Variants in SPTB observed in about 807,000 individuals in gnomAD.
SPTB encodes spectrin beta chain, erythrocytic.
Under a neutral mutation model 256.2 loss-of-function variants are expected in SPTB, and 45 were observed. The observed-to-expected ratio is 0.18, with a 90% CI of 0.14 to 0.23. SPTB has a LOEUF of 0.23. SPTB is among the 10% of genes least tolerant of loss of function. The pLI, the probability that SPTB is intolerant of heterozygous loss-of-function variation, is 1.00. For synonymous variants in SPTB, 1,231 were observed against 1,243.1 expected, an observed-to-expected ratio of 0.99 and a Z score of 0.21; for missense variants, 2,715 against 3,040.4, an observed-to-expected ratio of 0.89 and a Z score of 2.52.
intron 20 of SPTB, among the ~76,000 whole-genome samples, chr14:64,780,561 G>T (rs2082451509): frequency 6.6e-6 from 1 of 152,156 alleles, no homozygotes; most frequent in East Asian, 1.9e-4. Flanking sequence ...TCATAGGCGT[G>T]TGCCACCACA....
At chr14:64,831,690 A>T (rs749324345) in intron 1 of SPTB, among the ~76,000 whole-genome samples, 2 of 152,196 alleles carry the variant, frequency 1.3e-5, no homozygotes, top group Non-Finnish European at 2.9e-5. Context: ...CATATGCAAG[A>T]ATGTTTACTG....
Position 64,782,427 on chromosome 14 carries a change from C to T in SPTB, c.4129G>A (p.Ala1377Thr), listed in dbSNP as rs1052947217. The stretch of plus-strand genomic sequence containing the variant: ...AAGCGCAGGTCGGAGCTCCTGGCAG[C>T]CGAGAGGTGCTGGGTCTTCTCCTTT... ...TTKEKTQHLS[A>T]ARSSDLRLQT... Residue 1377 changes from alanine to threonine, a missense_variant, in exon 20 of 36, where the codon GCT (alanine) becomes ACT (threonine). Physicochemically the swap from Ala to Thr is moderately conservative, Grantham distance 58. Around this residue, in one of 4 missense-constraint regions of SPTB, gnomAD observed 2,239 missense variants for 2,384.4 expected, o/e 0.94. Coordinates refer to ENST00000644917, the MANE Select transcript of SPTB (RefSeq NM_001355436.2). The T allele has an allele frequency of 3.7e-6, 6 of 1,614,130 alleles. No homozygotes were observed. The highest frequency in any genetic ancestry group is 5.1e-6 in the Non-Finnish European group (6 of 1,180,038).
intron 1 of SPTB, among the ~76,000 whole-genome samples, chr14:64,863,144 G>C (rs1253285941): frequency 6.6e-6 from 1 of 152,142 alleles, no homozygotes; most frequent in East Asian, 1.9e-4. Context: ...TCCCCTGTTA[G>C]AAAGTTTTGA....
At position 64,749,785 on chromosome 14, in the gene SPTB, C is replaced by G. The variant is rs1053924839; in HGVS notation, c.6777-89G>C. Reference sequence around the variant, plus strand: ...GGCTCTGATCCCACAATACCCTGAGCCGAACATCCAGACCCCTCTCAGGCA... The same window carrying G: ...GGCTCTGATCCCACAATACCCTGAGGCGAACATCCAGACCCCTCTCAGGCA... On this transcript the variant is annotated intron_variant, in intron 34 of 35. Transcript: ENST00000644917. The surrounding 1 kb of genome is among the most constrained non-coding windows in gnomAD (Gnocchi z 4.7). 1.1e-4 allele frequency: 172 copies of G among 1,547,408 alleles called. No homozygotes were observed. The African/African-American group carries it at 1.9e-3, about 17-fold the overall frequency.
chr14:64,795,753 C>A lies in SPTB; in HGVS notation c.1342-114G>T. 2 of 1,116,354 alleles carry A rather than the reference C, an allele frequency of 1.8e-6. No homozygotes were observed. The highest frequency in any genetic ancestry group is 1.3e-6 in the Non-Finnish European group (1 of 755,622). 69.2% of individuals were successfully genotyped at this position (1,116,354 alleles called of 1,614,324 possible). ...CAGTGCTAGATGGGAAAGCACATTC[C>A]CAAGAAGCAGCTAGTTCTGCCTTAC... On this transcript the variant is annotated intron_variant, in intron 11 of 35. Coordinates refer to ENST00000644917, the MANE Select transcript of SPTB (RefSeq NM_001355436.2). The surrounding 1 kb of genome is among the most constrained non-coding windows in gnomAD (Gnocchi z 6.5).
chr14:64,760,430 G>T lies in SPTB; in HGVS notation c.6345+6296C>A, dbSNP rs376299216. ...CCCAGGAGAAACACAACCTGGCTCC[G>T]GACCACAGGGTGTTTCAGAGGTTCT... is the stretch of plus-strand genomic sequence containing the variant. On this transcript the variant is annotated intron_variant, in intron 32 of 35. Coordinates refer to ENST00000644917, the MANE Select transcript of SPTB (RefSeq NM_001355436.2). This position sits in a 1 kb window ranked among gnomAD's most constrained non-coding sequence, Gnocchi z 4.3. Among the ~76,000 whole-genome samples the T allele has an allele frequency of 6.6e-6, 1 of 152,082 alleles. No homozygotes were observed. Among genetic ancestry groups the T allele is most frequent in the African/African-American group, 2.4e-5 (1 of 41,404 alleles).
rs200994413 is a variant in SPTB, at chr14:64,822,351, T to TTCTCTC, written c.148+590_148+595dup. ...ATTTAAGATATTCTCCACCCCCACC[T>TTCTCTC]TCTCTCTCTCTCTCTCTCTCTCTCA... On this transcript the variant is annotated intron_variant, in intron 2 of 35. Transcript: ENST00000644917. 1.6e-3 allele frequency among the ~76,000 whole-genome samples: 13 copies of TTCTCTC among 8,212 alleles called. 1 individual carries two copies. Among genetic ancestry groups the TTCTCTC allele is most frequent in the African/African-American group, 5.1e-3 (8 of 1,560 alleles). The allele number at this position is 8,212 out of a possible 152,430, so 5.4% of individuals were successfully genotyped here. A position where few individuals can be genotyped will look rare whatever the true frequency, so the allele number is the denominator to read the frequency against.
chr14:64,844,967 A>T lies in SPTB; in HGVS notation c.-51-21822T>A, dbSNP rs1237812569. ...GTTAACCTGACCAGAAATAAGACCC[A>T]GAATCTCAAGTCTTTGAGCTCTTGC... On this transcript the variant is annotated intron_variant, in intron 1 of 35. Transcript: ENST00000644917. This position sits in a 1 kb window ranked among gnomAD's most constrained non-coding sequence, Gnocchi z 4.1. Among the ~76,000 whole-genome samples, 1 of 152,244 alleles carries T rather than the reference A, an allele frequency of 6.6e-6. No individual in the cohort carries two copies. The highest frequency in any genetic ancestry group is 2.4e-5 in the African/African-American group (1 of 41,460).
intron 2 of SPTB, among the ~76,000 whole-genome samples, chr14:64,822,249 A>G (rs571401945): frequency 9.4e-5 from 13 of 138,112 alleles, no homozygotes; most frequent in Non-Finnish European, 7.5e-5. Flanking sequence ...CAATAGTCAC[A>G]GGAGTTGGGG....
At chr14:64,803,517 AC>A (rs1238182362) in intron 4 of SPTB, 89 bp downstream of exon 4, 1 of 1,520,990 alleles carries the variant, frequency 6.6e-7, no homozygotes, top group Non-Finnish European at 9.1e-7. Flanking sequence ...GTGCACTAAC[AC>A]CCACACTCTG....
chr14:64,871,703 G>T (rs753885038), intron 1 of SPTB, among the ~76,000 whole-genome samples: 4 of 152,224 alleles, frequency 2.6e-5, no homozygotes, highest in Non-Finnish European at 5.9e-5. Flanking sequence ...AGCATACACA[G>T]AAACTGTTGA....
intron 33 of SPTB, among the ~76,000 whole-genome samples, chr14:64,751,279 C>A (rs927565878): frequency 6.6e-6 from 1 of 151,732 alleles, no homozygotes; most frequent in African/African-American, 2.4e-5. Flanking sequence ...GCCACCACAC[C>A]CAGCTAATTT....
chr14:64,773,370 C>T lies in SPTB; in HGVS notation c.5028G>A (p.Lys1676=). 6.2e-7 allele frequency: 1 copy of T among 1,614,236 alleles called. No individual in the cohort carries two copies. Among genetic ancestry groups the T allele is most frequent in the East Asian group, 2.2e-5 (1 of 44,876 alleles). Residue 1676 remains lysine (K), a synonymous_variant, in exon 25 of 36, where the codon AAG becomes AAA. Coordinates refer to ENST00000644917, the MANE Select transcript of SPTB (RefSeq NM_001355436.2). ...GQVDKHYAGL[K]DVAEERKRKL... The stretch of plus-strand genomic sequence containing the variant: ...TGCGCTTGCGCTCTTCCGCCACGTC[C>T]TTCAGCCCTGCGTAGTGCTTGTCCA...
Position 64,764,013 on chromosome 14 carries a change from G to A in SPTB, c.6345+2713C>T, listed in dbSNP as rs1337889959. Among the ~76,000 whole-genome samples the A allele has an allele frequency of 2.6e-5, 4 of 152,200 alleles. No individual in the cohort carries two copies. Among genetic ancestry groups the A allele is most frequent in the East Asian group, 3.9e-4 (2 of 5,190 alleles). ...CATCAGTTCCCCCCAGCAGGAAGCC[G>A]ACATGCACAGTGAGGGATTGTACAT... On this transcript the variant is annotated intron_variant, in intron 32 of 35. Coordinates refer to ENST00000644917, the MANE Select transcript of SPTB (RefSeq NM_001355436.2). The surrounding 1 kb of genome is among the most constrained non-coding windows in gnomAD (Gnocchi z 4.2).
chr14:64,846,307 G>C (rs1366245174), intron 1 of SPTB, among the ~76,000 whole-genome samples: 2 of 152,222 alleles, frequency 1.3e-5, no homozygotes, highest in Non-Finnish European at 2.9e-5. Context: ...GAGGGGCAGG[G>C]GGGATTGTAA....
rs1372519526 is a variant in SPTB, at chr14:64,753,734, G to A, written c.6405C>T (p.His2135=). 3 of 1,613,822 alleles carry A rather than the reference G, an allele frequency of 1.9e-6. No individual in the cohort carries two copies. Among genetic ancestry groups the A allele is most frequent in the Non-Finnish European group, 2.5e-6 (3 of 1,180,026 alleles). ...NLQQPPPPGQ[H]KDGQKSTGDE... is the part of the protein sequence containing the mutation. Reference sequence around the variant, plus strand: ...CCCCAGTGGATTTCTGCCCATCCTTGTGCTGACCCGGCGGTGGTGGCTGCT... The same window carrying A: ...CCCCAGTGGATTTCTGCCCATCCTTATGCTGACCCGGCGGTGGTGGCTGCT... Residue 2135 remains histidine (H), a synonymous_variant, in exon 33 of 36, where the codon CAC becomes CAT. Transcript: ENST00000644917.
chr14:64,871,652 T>C (rs1372832148), intron 1 of SPTB, among the ~76,000 whole-genome samples: 1 of 152,236 alleles, frequency 6.6e-6, no homozygotes, highest in East Asian at 1.9e-4. Context: ...CTTTAAAATG[T>C]ATCAGGCCAA....
rs1233159462 is a variant in SPTB, at chr14:64,764,431, A to G, written c.6345+2295T>C. On this transcript the variant is annotated intron_variant, in intron 32 of 35. Coordinates refer to ENST00000644917, the MANE Select transcript of SPTB (RefSeq NM_001355436.2). The surrounding 1 kb of genome is among the most constrained non-coding windows in gnomAD (Gnocchi z 4.2). ...TGGGTCTGTGTTCGTTTGAGTCACC[A>G]TCTGGTTTCTTTCCGGTACCGGGCA... Among the ~76,000 whole-genome samples, 1 of 152,178 alleles carries G rather than the reference A, an allele frequency of 6.6e-6. No homozygotes were observed. Among genetic ancestry groups the G allele is most frequent in the Admixed American group, 6.5e-5 (1 of 15,280 alleles).
In SPTB at chr14:64,807,120, T is replaced by C. The variant is rs1377563841; in HGVS notation, c.149-2030A>G. On this transcript the variant is annotated intron_variant, in intron 2 of 35. Transcript: ENST00000644917. This position sits in a 1 kb window ranked among gnomAD's most constrained non-coding sequence, Gnocchi z 4.7. The stretch of plus-strand genomic sequence containing the variant: ...AGCCAGCCACAGTCCCACAGTTTTT[T>C]CCCTAGAAACCAGATCTATTCTTTA... 1.3e-5 allele frequency among the ~76,000 whole-genome samples: 2 copies of C among 152,200 alleles called. No individual in the cohort carries two copies. Among genetic ancestry groups the C allele is most frequent in the African/African-American group, 4.8e-5 (2 of 41,458 alleles).
Sources: allele counts gnomAD v4.1 joint callset (sites outside exome capture counted in the v4.1 genomes callset), GRCh38; gene constraint gnomAD v4.1.1; regional missense constraint gnomAD v4.1.1; non-coding constraint Gnocchi (gnomAD v3.1); transcripts MANE v1.5; gene names NCBI Gene and HGNC (gene_info 2026-07-23, HGNC 2026-07-21).